Variants in GANC observed in about 807,000 individuals in gnomAD.
The protein encoded by GANC is glucosidase alpha, neutral C.
GANC carries 117 observed loss-of-function variants against 124.2 expected under a neutral mutation model. The observed-to-expected ratio is 0.94, with a 90% CI of 0.81 to 1.10. The LOEUF is 1.10. GANC is among the 50% of genes least tolerant of loss of function. GANC has a pLI of 0.00. For missense variants in GANC, 1,140 were observed against 1,095.0 expected (o/e 1.04, Z -0.58); for synonymous variants, 377 against 376.8 (o/e 1.00, Z -0.01).
rs2052300728 is a variant in GANC, at chr15:42,338,408, C to G, written c.1761C>G (p.Asp587Glu). The G allele has an allele frequency of 2.5e-6, 4 of 1,613,740 alleles. No individual in the cohort carries two copies. Among genetic ancestry groups the G allele is most frequent in the Non-Finnish European group, 3.4e-6 (4 of 1,179,834 alleles). ...SQKYGAVWTGDNTAEWSNLKI... is the reference protein window; with the variant it reads ...SQKYGAVWTGENTAEWSNLKI... ...CCAAAGGTGCCGTGTGGACAGGCGA[C>G]AACACAGCAGAATGGAGCAACTTGA... is the stretch of plus-strand genomic sequence containing the variant. The change falls in exon 16 of 24, where the codon GAC becomes GAG. Residue 587 changes from aspartate to glutamate, a missense_variant. Asp to Glu is a conservative substitution (Grantham distance 45, BLOSUM62 2). Coordinates refer to ENST00000318010, the MANE Select transcript of GANC (RefSeq NM_198141.3).
intron 19 of GANC, 113 bp from the exon 20 acceptor site, chr15:42,345,645 A>G (rs2052357498): frequency 1.6e-6 from 1 of 624,582 alleles, no homozygotes. Context: ...AGTTATATTT[A>G]TTTTAGCTTT....
At chr15:42,339,646 A>T in intron 16 of GANC, 23 bp from the exon 17 acceptor site, 2 of 1,607,270 alleles carry the variant, frequency 1.2e-6, no homozygotes, top group Non-Finnish European at 1.7e-6. Context: ...TGGTTGCCTC[A>T]CTTGGCCTTC....
chr15:42,289,807 G>C (rs1444564664), intron 4 of GANC, among the ~76,000 whole-genome samples: 1 of 152,180 alleles, frequency 6.6e-6, no homozygotes, highest in Non-Finnish European at 1.5e-5. Flanking sequence ...ACTATATTTT[G>C]AGATAGGGTC....
intron 14 of GANC, 33 bp from the exon 15 acceptor site, chr15:42,330,543 T>C: frequency 6.6e-7 from 1 of 1,513,390 alleles, no homozygotes; most frequent in Non-Finnish European, 9.2e-7. Flanking sequence ...AATCCAATCA[T>C]CTCTTTGAAA....
At chr15:42,300,244 C>A (rs1382527536) in intron 6 of GANC, among the ~76,000 whole-genome samples, 7 of 151,958 alleles carry the variant, frequency 4.6e-5, no homozygotes, top group Admixed American at 1.3e-4. Context: ...TTACAAGGAA[C>A]CTAAGCAAAT....
At chr15:42,314,405 C>T in intron 10 of GANC, 2 of 421,388 alleles carry the variant, frequency 4.7e-6, no homozygotes, top group South Asian at 4.8e-5. Context: ...TAATTTGAAT[C>T]CAGCTTTGTG....
chr15:42,327,475 AC>A, intron 13 of GANC, 33 bp downstream of exon 13: 1 of 1,474,062 alleles, frequency 6.8e-7, no homozygotes, highest in Non-Finnish European at 9.5e-7. Context: ...TTTTCTAGTT[AC>A]CTGAAAGAGT....
chr15:42,348,770 T>G (rs1327565331), intron 21 of GANC, among the ~76,000 whole-genome samples: 1 of 152,240 alleles, frequency 6.6e-6, no homozygotes, highest in Non-Finnish European at 1.5e-5. Flanking sequence ...ACCCTTACTC[T>G]TACTATATTA....
In GANC at chr15:42,277,929, A is replaced by C. The variant is rs2051691491; in HGVS notation, c.93-553A>C. The C allele has an allele frequency of 3.6e-5, 6 of 166,216 alleles. No homozygotes were observed. In the South Asian group the frequency reaches 6.7e-4, roughly 18 times the overall value. 10.3% of individuals were successfully genotyped at this position (166,216 alleles called of 1,614,324 possible). On this transcript the variant is annotated intron_variant, in intron 2 of 23. Coordinates refer to ENST00000318010, the MANE Select transcript of GANC (RefSeq NM_198141.3). ...AATGTTCATTTGAAAAAAAAAAAAA[A>C]AAAAAAAACAGTCTTTACGTGATCT...
intron 5 of GANC, among the ~76,000 whole-genome samples, chr15:42,296,736 C>T (rs1194818627): frequency 2.0e-5 from 3 of 151,840 alleles, no homozygotes; most frequent in African/African-American, 7.3e-5. Flanking sequence ...TATGAATTCC[C>T]AAACAACATA....
chr15:42,316,971 AGCTAATGATTAATAATGTTTAC>A (rs1368674364), intron 10 of GANC, among the ~76,000 whole-genome samples: 2 of 152,236 alleles, frequency 1.3e-5, no homozygotes, highest in Non-Finnish European at 2.9e-5. Flanking sequence ...TAATATTAAA[AGCTAATGATTAATAATGTTTAC>A]GCTAATGATT....
intron 5 of GANC, among the ~76,000 whole-genome samples, chr15:42,295,350 A>G (rs1017829015): frequency 2.0e-5 from 3 of 152,086 alleles, no homozygotes; most frequent in African/African-American, 4.8e-5. Flanking sequence ...ATTTACATTT[A>G]TATTTATAAT....
At position 42,273,577 on chromosome 15, in the gene GANC, G is replaced by A; in HGVS notation, c.-905G>A. 1 of 1,102,514 alleles carries A rather than the reference G, an allele frequency of 9.1e-7. No individual in the cohort carries two copies. The highest frequency in any genetic ancestry group is 1.3e-6 in the Non-Finnish European group (1 of 791,190). The allele number at this position is 1,102,514 out of a possible 1,614,324, so 68.3% of individuals were successfully genotyped here. A position where few individuals can be genotyped will look rare whatever the true frequency, so the allele number is the denominator to read the frequency against. The stretch of plus-strand genomic sequence containing the variant: ...GTCGTCTGTGCGCCGTGAGACTTTG[G>A]ACCTACTGCGCAGGCGTCATCCTGT... On this transcript the variant is annotated 5_prime_UTR_variant, in exon 1 of 24. Coordinates refer to ENST00000318010, the MANE Select transcript of GANC (RefSeq NM_198141.3).
At position 42,314,369 on chromosome 15, in the gene GANC, A is replaced by T. The variant is rs1455412297; in HGVS notation, c.1057+3523A>T. 2.2e-5 allele frequency: 11 copies of T among 506,368 alleles called. No individual in the cohort carries two copies. In the Admixed American group the frequency reaches 2.8e-4, roughly 13 times the overall value. 31.4% of individuals were successfully genotyped at this position (506,368 alleles called of 1,614,324 possible). A position where few individuals can be genotyped will look rare whatever the true frequency, so the allele number is the denominator to read the frequency against. ...GGATCTATATTGGAAGGCATCTGAC[A>T]ACTTCTACCAGCACCTTTTGATGAA... is the stretch of plus-strand genomic sequence containing the variant. On this transcript the variant is annotated intron_variant, in intron 10 of 23. Transcript: ENST00000318010.
At chr15:42,293,033 A>C in intron 5 of GANC, 116 bp downstream of exon 5, 1 of 954,898 alleles carries the variant, frequency 1.0e-6, no homozygotes, top group Non-Finnish European at 1.6e-6. Flanking sequence ...TATTTGCTCT[A>C]GTATTGTTCT....
chr15:42,280,209 G>T, intron 3 of GANC, among the ~76,000 whole-genome samples: 1 of 152,084 alleles, frequency 6.6e-6, no homozygotes, highest in Non-Finnish European at 1.5e-5. Flanking sequence ...ATCTAGTACT[G>T]ATTCTTACAC....
At chr15:42,344,139 T>G (rs1007501742) in intron 19 of GANC, among the ~76,000 whole-genome samples, 2 of 152,234 alleles carry the variant, frequency 1.3e-5, no homozygotes, top group African/African-American at 2.4e-5. Flanking sequence ...CATGTTTGGT[T>G]GTTCTTTTAG....
At chr15:42,332,410 T>G (rs1251112618) in intron 15 of GANC, among the ~76,000 whole-genome samples, 1 of 152,202 alleles carries the variant, frequency 6.6e-6, no homozygotes, top group Non-Finnish European at 1.5e-5. Context: ...AGGTTATTGT[T>G]GATCTCTTAT....
intron 13 of GANC, 79 bp downstream of exon 13, chr15:42,327,521 T>A: frequency 8.9e-7 from 1 of 1,124,384 alleles, no homozygotes; most frequent in Non-Finnish European, 1.3e-6. Flanking sequence ...ATAAAACTAT[T>A]CTTTTTCATT....
Sources: gnomAD v4.1 joint callset for allele counts (sites outside exome capture counted in the v4.1 genomes callset) on GRCh38, gnomAD v4.1.1 for gene constraint, MANE v1.5 for transcripts, NCBI Gene and HGNC (gene_info 2026-07-23, HGNC 2026-07-21) for gene names.